The following UBQLN1 variants were observed in gnomAD, a reference collection of about 807,000 sequenced individuals.
UBQLN1 encodes ubiquilin-1.
UBQLN1 carries 13 observed loss-of-function variants against 65.4 expected under a neutral mutation model. The observed-to-expected ratio is 0.20, with a 90% CI of 0.13 to 0.32. The LOEUF is 0.32. UBQLN1 is among the 10% of genes least tolerant of loss of function. The probability of loss-of-function intolerance (pLI) is 1.00; values close to 1 mark genes in which losing one functional copy is unlikely to be tolerated. For synonymous variants in UBQLN1, 267 were observed against 247.8 expected (o/e 1.08, Z -0.73); for missense variants, 561 against 724.0 (o/e 0.77, Z 2.58).
At chr9:83,670,678 C>CA (rs1311774235) in intron 6 of UBQLN1, among the ~76,000 whole-genome samples, 7 of 152,184 alleles carry the variant, frequency 4.6e-5, no homozygotes, top group Non-Finnish European at 8.8e-5. Context: ...AAGTTTGCCA[C>CA]ATCAGGAAAA....
intron 2 of UBQLN1, among the ~76,000 whole-genome samples, chr9:83,683,414 CAAAAAAAAAAA>C (rs766459859): frequency 1.8e-4 from 13 of 70,960 alleles, no homozygotes; most frequent in Non-Finnish European, 2.9e-4. Flanking sequence ...GACTCCGTCT[CAAAAAAAAAAA>C]AAAAAAAAAA....
chr9:83,679,572 C>T (rs1172539109), intron 4 of UBQLN1, among the ~76,000 whole-genome samples: 1 of 152,178 alleles, frequency 6.6e-6, no homozygotes, highest in African/African-American at 2.4e-5. Context: ...TCAAAATAAA[C>T]TATTTACAAA....
rs1479432807 is a variant in UBQLN1, at chr9:83,660,141, CT to C, written c.*1645del. 6.6e-6 allele frequency: 1 copy of C among 152,468 alleles called. No homozygotes were observed. The highest frequency in any genetic ancestry group is 1.5e-5 in the Non-Finnish European group (1 of 68,032). The allele number at this position is 152,468 out of a possible 1,614,324, so 9.4% of individuals were successfully genotyped here. On this transcript the variant is annotated 3_prime_UTR_variant, in exon 11 of 11. Transcript: ENST00000376395. ...ATACCCTTCTTAACAATCTCTTCTA[CT>C]TATGCCTCCACCGTAACCTTTGTAC...
In UBQLN1 at chr9:83,677,842, C is replaced by G. The variant is rs767263817; in HGVS notation, c.990G>C (p.Gln330His). The G allele has an allele frequency of 3.7e-6, 6 of 1,614,134 alleles. No individual in the cohort carries two copies. The South Asian group carries it at 6.6e-5, about 18-fold the overall frequency. ...CAGTGCCGCTGGAAGCTGATGAACT[C>G]TGGGAAGTCTGTGGAGCCCATGGAT... The part of the protein sequence containing the change: ...LPNPWAPQTS[Q>H]SSSASSGTAS... Residue 330 changes from glutamine to histidine, a missense_variant, in exon 6 of 11, where the codon CAG becomes CAC. This residue lies in a region of UBQLN1 where 89 missense variants were observed against 77.8 expected (regional missense o/e 1.14). Transcript: ENST00000376395.
chr9:83,672,862 G>C (rs1231655262), intron 6 of UBQLN1, among the ~76,000 whole-genome samples: 4 of 152,196 alleles, frequency 2.6e-5, no homozygotes, highest in Non-Finnish European at 1.5e-5. Context: ...TTCTAAGATA[G>C]GCTGGCAAAT....
At chr9:83,682,825 T>TTG in intron 3 of UBQLN1, 126 bp downstream of exon 3, 1 of 266,174 alleles carries the variant, frequency 3.8e-6, no homozygotes, top group Non-Finnish European at 6.8e-6. Context: ...GGAATGTATG[T>TTG]TTTTTTTTTT....
intron 6 of UBQLN1, among the ~76,000 whole-genome samples, chr9:83,671,054 T>C (rs951138892): frequency 1.3e-5 from 2 of 152,056 alleles, no homozygotes; most frequent in African/African-American, 4.8e-5. Context: ...CTGCCTGCAA[T>C]TCCTAGGCTC....
At chr9:83,674,045 C>T (rs1007668510) in intron 6 of UBQLN1, among the ~76,000 whole-genome samples, 1 of 152,114 alleles carries the variant, frequency 6.6e-6, no homozygotes, top group African/African-American at 2.4e-5. Context: ...GCAATCCACC[C>T]ACCTTGGCCT....
At chr9:83,699,811 G>T (rs1041589467) in intron 1 of UBQLN1, among the ~76,000 whole-genome samples, 1 of 152,222 alleles carries the variant, frequency 6.6e-6, no homozygotes, top group Non-Finnish European at 1.5e-5. Flanking sequence ...GGTCTATTCT[G>T]AAAGGAGCTA....
intron 3 of UBQLN1, among the ~76,000 whole-genome samples, chr9:83,682,575 T>C (rs1473717900): frequency 6.6e-6 from 1 of 152,176 alleles, no homozygotes; most frequent in African/African-American, 2.4e-5. Flanking sequence ...CTTCCATGTG[T>C]TCAGGACAGT....
intron 7 of UBQLN1, chr9:83,668,302 AT>A: frequency 1.0e-6 from 1 of 984,692 alleles, no homozygotes. Context: ...AAAACCATTC[AT>A]TTGACTTAAA....
chr9:83,682,367 C>G (rs571134344), intron 3 of UBQLN1, among the ~76,000 whole-genome samples: 26 of 151,754 alleles, frequency 1.7e-4, no homozygotes, highest in Non-Finnish European at 2.8e-4. Context: ...CATCTGTAAC[C>G]CAGCATTTTG....
rs1832385716 is a variant in UBQLN1 at position 83,705,436 on chromosome 9, GA to G, written c.180+2063del. On this transcript the variant is annotated intron_variant, in intron 1 of 10. Coordinates refer to ENST00000376395, the MANE Select transcript of UBQLN1 (RefSeq NM_013438.5). ...AGCTAAGTTTTGTATTTTTAGTAGA[GA>G]CGGGGTTTCACCCCGTTGGCCAGGC... 3.9e-5 allele frequency among the ~76,000 whole-genome samples: 6 copies of G among 152,154 alleles called. No individual in the cohort carries two copies. In the South Asian group the frequency reaches 1.2e-3, roughly 31 times the overall value.
At chr9:83,669,155 C>CA in intron 7 of UBQLN1, 30 bp downstream of exon 7, 1 of 1,593,428 alleles carries the variant, frequency 6.3e-7, no homozygotes, top group Non-Finnish European at 8.5e-7. Context: ...TCACACTGCA[C>CA]AGTCTTTTTC....
At chr9:83,674,304 G>A (rs1831791170) in intron 6 of UBQLN1, among the ~76,000 whole-genome samples, 1 of 152,046 alleles carries the variant, frequency 6.6e-6, no homozygotes, top group South Asian at 2.1e-4. Context: ...AAATGAGATG[G>A]CAAAACTTGT....
chr9:83,679,565 A>T (rs542748815), intron 4 of UBQLN1, among the ~76,000 whole-genome samples: 1 of 152,318 alleles, frequency 6.6e-6, no homozygotes, highest in South Asian at 2.1e-4. Flanking sequence ...TAAGCCTTCA[A>T]AATAAACTAT....
At chr9:83,674,475 A>C (rs1831796094) in intron 6 of UBQLN1, among the ~76,000 whole-genome samples, 2 of 152,204 alleles carry the variant, frequency 1.3e-5, no homozygotes, top group Admixed American at 6.5e-5. Flanking sequence ...AAAAAATAAA[A>C]ATGAAAATAA....
At chr9:83,680,752 T>C (rs1418853659) in intron 3 of UBQLN1, among the ~76,000 whole-genome samples, 1 of 152,236 alleles carries the variant, frequency 6.6e-6, no homozygotes, top group Non-Finnish European at 1.5e-5. Context: ...CCTTGAGTTC[T>C]AGGTGCCATT....
intron 1 of UBQLN1, among the ~76,000 whole-genome samples, chr9:83,700,447 G>C (rs983182104): frequency 2.0e-5 from 3 of 152,144 alleles, no homozygotes; most frequent in South Asian, 2.1e-4. Context: ...AATTTATTGA[G>C]CCCTAGGCTC....
Sources: gnomAD v4.1 joint callset for allele counts (sites outside exome capture counted in the v4.1 genomes callset) on GRCh38, gnomAD v4.1.1 for gene constraint, gnomAD v4.1.1 regional missense constraint, MANE v1.5 for transcripts, NCBI Gene and HGNC (gene_info 2026-07-23, HGNC 2026-07-21) for gene names.